Variants in TSTD2 observed in about 807,000 individuals in gnomAD.
TSTD2 encodes the protein thiosulfate sulfurtransferase/rhodanese-like domain-containing protein 2.
TSTD2 carries 37 observed loss-of-function variants against 47.9 expected under a neutral mutation model. The ratio of observed to expected loss-of-function variants is 0.77; its 90% CI spans 0.59 to 1.02. TSTD2 has a LOEUF of 1.02. Among genes scored for constraint, TSTD2 ranks in the 50% least tolerant of loss-of-function variants. TSTD2 has a pLI of 0.00. For synonymous variants in TSTD2, 201 were observed against 215.9 expected (o/e 0.93, Z 0.61); for missense variants, 586 against 616.0 (o/e 0.95, Z 0.52).
chr9:97,630,360 G>A (rs919663896), intron 1 of TSTD2, among the ~76,000 whole-genome samples: 1 of 151,986 alleles, frequency 6.6e-6, no homozygotes, highest in Non-Finnish European at 1.5e-5. Flanking sequence ...TATTATTTGT[G>A]GCACCTCTGC....
chr9:97,602,537 G>C lies in TSTD2; in HGVS notation c.1483C>G (p.His495Asp). Residue 495 changes from histidine to aspartate, a missense_variant, in exon 10 of 10, where the codon CAT becomes GAT. By Grantham distance (81) the His-to-Asp change is moderately conservative. Coordinates refer to ENST00000341170, the MANE Select transcript of TSTD2 (RefSeq NM_139246.5). ...TCTGGGCTCACAGGCTGTCGCACATGCTGCAAGAGTTCCCTAGGTATGCGT... is the reference window on the plus strand; with the variant it reads ...TCTGGGCTCACAGGCTGTCGCACATCCTGCAAGAGTTCCCTAGGTATGCGT... ...RPRIPRELLQHVRQPVSPEPG... is the reference protein window; with the variant it reads ...RPRIPRELLQDVRQPVSPEPG... 9 of 1,614,162 alleles carry C rather than the reference G, an allele frequency of 5.6e-6. No individual in the cohort carries two copies. Among genetic ancestry groups the C allele is most frequent in the Non-Finnish European group, 6.8e-6 (8 of 1,180,004 alleles).
At chr9:97,621,594 A>G (rs1187802119) in intron 3 of TSTD2, among the ~76,000 whole-genome samples, 2 of 152,194 alleles carry the variant, frequency 1.3e-5, no homozygotes, top group African/African-American at 2.4e-5. Flanking sequence ...CTATGGACGG[A>G]CACTCTGGGG....
At chr9:97,624,247 T>G (rs115108915) in intron 3 of TSTD2, among the ~76,000 whole-genome samples, 38 of 152,266 alleles carry the variant, frequency 2.5e-4, no homozygotes, top group African/African-American at 9.1e-4. Flanking sequence ...CATAAAAGAT[T>G]GTGGTTTCTG....
At chr9:97,612,987 A>C (rs559487712) in intron 4 of TSTD2, among the ~76,000 whole-genome samples, 1 of 152,380 alleles carries the variant, frequency 6.6e-6, no homozygotes, top group African/African-American at 2.4e-5. Flanking sequence ...CAATAGTCCA[A>C]CAGCCAAAGA....
At chr9:97,625,213 C>G (rs1430852931) in intron 3 of TSTD2, among the ~76,000 whole-genome samples, 1 of 152,208 alleles carries the variant, frequency 6.6e-6, no homozygotes, top group Non-Finnish European at 1.5e-5. Flanking sequence ...TATTTTCACT[C>G]AGCATAAGGA....
At chr9:97,608,859 T>G (rs1826411322) in intron 6 of TSTD2, among the ~76,000 whole-genome samples, 1 of 152,080 alleles carries the variant, frequency 6.6e-6, no homozygotes, top group African/African-American at 2.4e-5. Context: ...TAATCCCGTT[T>G]CCCCCTGGCT....
At chr9:97,612,012 T>C (rs1376452367) in intron 4 of TSTD2, among the ~76,000 whole-genome samples, 1 of 152,098 alleles carries the variant, frequency 6.6e-6, no homozygotes, top group African/African-American at 2.4e-5. Flanking sequence ...TCTCCCTCCT[T>C]CCACCCTCCA....
In TSTD2 at chr9:97,610,557, G is replaced by A. The variant is rs150057640; in HGVS notation, c.730-106C>T. On this transcript the variant is annotated intron_variant, in intron 5 of 9. Transcript: ENST00000341170. ...GGTCTGTTTTGTAATAACAATAGCT[G>A]AAGTCTTAAAAAACCTCTAGTTAGG... The A allele has an allele frequency of 4.7e-4, 376 of 807,886 alleles. 6 individuals carry two copies. The East Asian group carries it at 0.012, about 25-fold the overall frequency. 50.0% of individuals were successfully genotyped at this position (807,886 alleles called of 1,614,324 possible).
intron 3 of TSTD2, among the ~76,000 whole-genome samples, chr9:97,618,443 G>A (rs118078361): frequency 0.013 from 2,026 of 152,282 alleles, 26 homozygotes; most frequent in Admixed American, 0.02. Context: ...AACTAGCTAG[G>A]CAGGTCTTTC....
At chr9:97,610,200 C>T (rs976373790) in intron 6 of TSTD2, 146 bp downstream of exon 6, 4 of 582,652 alleles carry the variant, frequency 6.9e-6, no homozygotes, top group Non-Finnish European at 1.2e-5. Flanking sequence ...ACAGTATAAG[C>T]ACTGGATGCA....
At chr9:97,631,116 G>A (rs1426801554) in intron 1 of TSTD2, among the ~76,000 whole-genome samples, 1 of 152,228 alleles carries the variant, frequency 6.6e-6, no homozygotes, top group African/African-American at 2.4e-5. Context: ...TCATTCACTT[G>A]TTCAGAAAAT....
intron 5 of TSTD2, 66 bp from the exon 6 acceptor site, chr9:97,610,517 C>A: frequency 8.4e-7 from 1 of 1,194,982 alleles, no homozygotes; most frequent in South Asian, 1.9e-5. Flanking sequence ...AGACAAGTGC[C>A]AATATAAGAA....
chr9:97,631,796 A>C (rs1826820557), intron 1 of TSTD2, among the ~76,000 whole-genome samples: 2 of 152,082 alleles, frequency 1.3e-5, no homozygotes, highest in South Asian at 4.1e-4. Flanking sequence ...ACGAGCCAAG[A>C]CCGTGCCACT....
At chr9:97,610,559 A>C in intron 5 of TSTD2, 108 bp from the exon 6 acceptor site, 1 of 779,688 alleles carries the variant, frequency 1.3e-6, no homozygotes, top group Non-Finnish European at 1.9e-6. Context: ...CAATAGCTGA[A>C]GTCTTAAAAA....
intron 3 of TSTD2, among the ~76,000 whole-genome samples, chr9:97,621,788 A>G (rs1018714575): frequency 1.3e-5 from 2 of 152,204 alleles, no homozygotes; most frequent in Non-Finnish European, 2.9e-5. Context: ...GTGGGACATG[A>G]AACCTCATCA....
chr9:97,604,671 A>G (rs2805779), intron 9 of TSTD2, 56 bp downstream of exon 9: 1,059,828 of 1,607,548 alleles, frequency 0.66, 351,807 homozygotes, highest in African/African-American at 0.78. Context: ...TTTCTAGAAT[A>G]GTGAACTGAC....
intron 3 of TSTD2, among the ~76,000 whole-genome samples, chr9:97,625,384 G>C (rs76802826): frequency 0.011 from 1,676 of 152,264 alleles, 21 homozygotes; most frequent in African/African-American, 0.037. Flanking sequence ...ACTGCTATGA[G>C]CATTCTTGTA....
At position 97,600,638 on chromosome 9, in the gene TSTD2, C is replaced by T. The variant is rs891779203; in HGVS notation, c.*1831G>A. ...TGGCCCAGCTTAGAGACTTCAGCTACTGATCTCATCACTTATTAGACAAAT... is the reference window on the plus strand; with the variant it reads ...TGGCCCAGCTTAGAGACTTCAGCTATTGATCTCATCACTTATTAGACAAAT... On this transcript the variant is annotated 3_prime_UTR_variant, in exon 10 of 10. Transcript: ENST00000341170. 3.2e-5 allele frequency: 32 copies of T among 988,882 alleles called. No homozygotes were observed. The highest frequency in any genetic ancestry group is 3.4e-5 in the Non-Finnish European group (28 of 832,230). 61.3% of individuals were successfully genotyped at this position (988,882 alleles called of 1,614,324 possible).
rs371910548 is a variant in TSTD2, at chr9:97,627,413, C to T, written c.150G>A (p.Ser50=). The T allele has an allele frequency of 4.8e-5, 76 of 1,597,698 alleles. No homozygotes were observed. Among genetic ancestry groups the T allele is most frequent in the African/African-American group, 1.5e-4 (11 of 74,412 alleles). The change falls in exon 2 of 10, where the codon TCG becomes TCA. Residue 50 remains serine, a synonymous_variant. Transcript: ENST00000341170. The stretch of plus-strand genomic sequence containing the variant: ...AGAATTCTACCTTTTTCTTTGCAAA[C>T]GAGTATTTCTTTTTTGTACTGCCAT... ...ELDGSTKKKY[S]FAKKKAFALF...
Sources: allele counts gnomAD v4.1 joint callset (sites outside exome capture counted in the v4.1 genomes callset), GRCh38; gene constraint gnomAD v4.1.1; transcripts MANE v1.5; gene names NCBI Gene and HGNC (gene_info 2026-07-23, HGNC 2026-07-21).